The following MAP3K15 variants were observed in gnomAD, a reference collection of about 807,000 sequenced individuals.
The protein encoded by MAP3K15 is mitogen-activated protein kinase kinase kinase 15.
Under a neutral mutation model 99.5 loss-of-function variants are expected in MAP3K15, and 124 were observed. The ratio of observed to expected loss-of-function variants is 1.25; its 90% CI spans 1.08 to 1.45. The LOEUF is 1.45. Among genes scored for constraint, MAP3K15 ranks in the 40% most tolerant of loss-of-function variants. The pLI is 0.00. For missense variants in MAP3K15, 1,242 were observed against 1,079.7 expected, an observed-to-expected ratio of 1.15 and a Z score of -2.11; for synonymous variants, 494 against 439.6, an observed-to-expected ratio of 1.12 and a Z score of -1.55.
At chrX:19,429,048 A>G (rs780018323) in intron 7 of MAP3K15, among the ~76,000 whole-genome samples, 10 of 111,345 alleles carry the variant, frequency 9.0e-5, no homozygotes, top group Admixed American at 8.7e-4. Flanking sequence ...AAACAGGAAC[A>G]GAGACAGGAG....
intron 13 of MAP3K15, among the ~76,000 whole-genome samples, chrX:19,406,834 TGG>T (rs2063651740): frequency 1.8e-5 from 2 of 112,453 alleles, no homozygotes; most frequent in African/African-American, 6.4e-5. Context: ...CTCAAGTAGC[TGG>T]GATTACAGGC....
At chrX:19,442,454 T>C (rs2063965566) in intron 6 of MAP3K15, among the ~76,000 whole-genome samples, 1 of 110,850 alleles carries the variant, frequency 9.0e-6, no homozygotes, top group Non-Finnish European at 1.9e-5. Context: ...ACACTCATTA[T>C]GTGGCTCTCT....
Position 19,367,643 on chromosome X carries a change from C to T in MAP3K15, c.3566+1411G>A, listed in dbSNP as rs777595813. Among the ~76,000 whole-genome samples the T allele has an allele frequency of 1.6e-3, 161 of 101,059 alleles. 1 individual carries two copies. The highest frequency in any genetic ancestry group is 5.4e-3 in the African/African-American group (149 of 27,520). The allele number at this position is 101,059 out of a possible 115,157, so 87.8% of individuals were successfully genotyped here. A position where few individuals can be genotyped will look rare whatever the true frequency, so the allele number is the denominator to read the frequency against. ...GCCCCTTGTCTCCCGGTTAAATAGT[C>T]ATTAGCATTCCTCAGCAATGATCCC... is the stretch of plus-strand genomic sequence containing the variant. On this transcript the variant is annotated intron_variant, in intron 25 of 28. Coordinates refer to ENST00000338883, the MANE Select transcript of MAP3K15 (RefSeq NM_001001671.4).
intron 10 of MAP3K15, among the ~76,000 whole-genome samples, chrX:19,413,730 T>C (rs1462419491): frequency 1.0e-5 from 1 of 97,498 alleles, no homozygotes; most frequent in Non-Finnish European, 2.0e-5. Context: ...TGATAGCCCA[T>C]CAGTAAGGTG....
At chrX:19,404,002 T>A (rs1307556249) in intron 13 of MAP3K15, among the ~76,000 whole-genome samples, 2 of 111,736 alleles carry the variant, frequency 1.8e-5, no homozygotes, top group Admixed American at 1.9e-4. Context: ...CTATTCCACA[T>A]TGTGCTGGAG....
At chrX:19,364,299 T>TC (rs1347736766) in intron 25 of MAP3K15, among the ~76,000 whole-genome samples, 7 of 111,408 alleles carry the variant, frequency 6.3e-5, no homozygotes, top group Non-Finnish European at 1.3e-4. Context: ...GCCTCAAACT[T>TC]CCCCCACATG....
intron 7 of MAP3K15, among the ~76,000 whole-genome samples, chrX:19,428,422 C>T (rs2063850382): frequency 1.8e-5 from 2 of 111,484 alleles, no homozygotes; most frequent in South Asian, 7.7e-4. Context: ...ATTAACTTCC[C>T]TTCGATACCC....
intron 1 of MAP3K15, among the ~76,000 whole-genome samples, chrX:19,513,236 G>T (rs748041458): frequency 1.8e-5 from 2 of 111,045 alleles, no homozygotes; most frequent in South Asian, 7.6e-4. Context: ...TGTTAGAAGG[G>T]CCCCCCGTAC....
intron 16 of MAP3K15, among the ~76,000 whole-genome samples, chrX:19,394,052 G>A (rs1195941120): frequency 4.6e-5 from 5 of 108,602 alleles, no homozygotes; most frequent in Admixed American, 3.0e-4. Context: ...GGGATTACAG[G>A]CGTGACCACT....
At chrX:19,396,415 T>C (rs2063567978) in intron 15 of MAP3K15, among the ~76,000 whole-genome samples, 1 of 112,001 alleles carries the variant, frequency 8.9e-6, no homozygotes, top group Non-Finnish European at 1.9e-5. Flanking sequence ...CCCAAATAGA[T>C]ACAACTGCAA....
intron 4 of MAP3K15, among the ~76,000 whole-genome samples, chrX:19,463,507 A>G (rs2064145418): frequency 8.9e-6 from 1 of 112,164 alleles, no homozygotes; most frequent in South Asian, 3.7e-4. Flanking sequence ...TGCAAGCAAA[A>G]TAACTGGATC....
At chrX:19,445,353 G>T (rs1456200235) in intron 6 of MAP3K15, among the ~76,000 whole-genome samples, 1 of 110,158 alleles carries the variant, frequency 9.1e-6, no homozygotes, top group Non-Finnish European at 1.9e-5. Flanking sequence ...CACTTTGGGA[G>T]GCTGAGGTGG....
Position 19,482,179 on chromosome X carries a change from C to CAAAAAAAAA in MAP3K15, c.525+4294_525+4302dup, listed in dbSNP as rs34191166. The stretch of plus-strand genomic sequence containing the variant: ...TGGGCGACAGAGTGAGATTCCAGCT[C>CAAAAAAAAA]AAAAAAAAAAAAAAAAAGCCTATAT... On this transcript the variant is annotated intron_variant, in intron 3 of 28. Transcript: ENST00000338883. The CAAAAAAAAA allele has an allele frequency of 3.8e-4, 12 of 31,465 alleles. 1 individual carries two copies. Among genetic ancestry groups the CAAAAAAAAA allele is most frequent in the African/African-American group, 1.1e-3 (10 of 9,381 alleles). The allele number at this position is 31,465 out of a possible 1,213,427, so 2.6% of individuals were successfully genotyped here.
At chrX:19,368,958 G>A in intron 25 of MAP3K15, 96 bp downstream of exon 25, 1 of 933,907 alleles carries the variant, frequency 1.1e-6, no homozygotes, top group African/African-American at 2.0e-5. Context: ...AGACCTGGGT[G>A]AGATGGTCAA....
rs775339507 is a variant in MAP3K15, at chrX:19,431,420, C to T, written c.1166+18G>A. The T allele has an allele frequency of 2.5e-6, 3 of 1,195,946 alleles. No homozygotes were observed. In the South Asian group the frequency reaches 5.3e-5, roughly 21 times the overall value. On this transcript the variant is annotated intron_variant, in intron 7 of 28. Coordinates refer to ENST00000338883, the MANE Select transcript of MAP3K15 (RefSeq NM_001001671.4). ...CTTGAAGAGATGCAAGTGCTCATAA[C>T]TCGGGCTGAGGGTTTACCACTCAAT...
At chrX:19,473,026 C>T (rs187247709) in intron 3 of MAP3K15, among the ~76,000 whole-genome samples, 44 of 112,223 alleles carry the variant, frequency 3.9e-4, no homozygotes, top group Middle Eastern at 9.2e-3. Flanking sequence ...GTCTACCCCC[C>T]AGTCAGCAGA....
At chrX:19,417,355 G>A (rs187901292) in intron 9 of MAP3K15, among the ~76,000 whole-genome samples, 3,654 of 112,014 alleles carry the variant, frequency 0.033, 149 homozygotes, top group African/African-American at 0.11. Context: ...CTAATACTGC[G>A]CTTTTCCAAT....
chrX:19,431,174 G>A (rs778677996), intron 7 of MAP3K15, among the ~76,000 whole-genome samples: 54 of 111,696 alleles, frequency 4.8e-4, no homozygotes, highest in African/African-American at 1.5e-3. Flanking sequence ...TCTGGAAGTG[G>A]GAGCTCGGAA....
chrX:19,450,590 C>G (rs2064029622), intron 6 of MAP3K15, among the ~76,000 whole-genome samples: 2 of 109,128 alleles, frequency 1.8e-5, no homozygotes, highest in African/African-American at 6.6e-5. Flanking sequence ...TACCTTTAAG[C>G]TCTGTTGGAC....
Sources: allele counts gnomAD v4.1 joint callset (sites outside exome capture counted in the v4.1 genomes callset), GRCh38; gene constraint gnomAD v4.1.1; transcripts MANE v1.5; gene names NCBI Gene and HGNC (gene_info 2026-07-23, HGNC 2026-07-21).